The following SPEN variants were observed in gnomAD, a reference collection of about 807,000 sequenced individuals.
SPEN encodes spen family transcriptional repressor, also known as msx2-interacting protein.
Under a neutral mutation model 269.9 loss-of-function variants are expected in SPEN, and 18 were observed. The ratio of observed to expected loss-of-function variants is 0.07; its 90% CI spans 0.05 to 0.10. The LOEUF (loss-of-function observed/expected upper bound fraction) is 0.10, where lower values mean the gene tolerates loss of function less well. Among genes scored for constraint, SPEN ranks in the 10% least tolerant of loss-of-function variants. The pLI is 1.00. For synonymous variants in SPEN, 1,726 were observed against 1,765.7 expected (o/e 0.98, Z 0.56); for missense variants, 3,822 against 4,631.2 (o/e 0.83, Z 5.07).
At chr1:15,850,678 A>G (rs74492794) in intron 1 of SPEN, among the ~76,000 whole-genome samples, 9 of 152,136 alleles carry the variant, frequency 5.9e-5, no homozygotes, top group African/African-American at 1.9e-4. Flanking sequence ...TTTTATCCCT[A>G]TTGTGGGATA....
chr1:15,887,054 C>T (rs984908508), intron 3 of SPEN, among the ~76,000 whole-genome samples: 6 of 152,132 alleles, frequency 3.9e-5, no homozygotes, highest in African/African-American at 1.2e-4. Flanking sequence ...TGCACATTTG[C>T]AGCCTTGACT....
chr1:15,929,428 C>T lies in SPEN; in HGVS notation c.3188C>T (p.Pro1063Leu), dbSNP rs1482914874. 6.2e-7 allele frequency: 1 copy of T among 1,613,770 alleles called. No individual in the cohort carries two copies. The highest frequency in any genetic ancestry group is 8.5e-7 in the Non-Finnish European group (1 of 1,179,882). ...KLDRLNTVAS[P>L]KDCQELASIS... ...GACAGACTTAATACTGTTGCCAGCC[C>T]CAAAGACTGTCAGGAGCTTGCCAGT... is the stretch of plus-strand genomic sequence containing the variant. Residue 1063 changes from proline to leucine, a missense_variant, in exon 11 of 15, where the codon CCC (proline) becomes CTC (leucine). By Grantham distance (98) the Pro-to-Leu change is moderately conservative. Around this residue, in one of 16 missense-constraint regions of SPEN, gnomAD observed 572 missense variants for 582.6 expected, o/e 0.98. Coordinates refer to ENST00000375759, the MANE Select transcript of SPEN (RefSeq NM_015001.3). This position sits in a 1 kb window ranked among gnomAD's most constrained non-coding sequence, Gnocchi z 5.8.
At chr1:15,923,037 C>T (rs749363334) in intron 10 of SPEN, among the ~76,000 whole-genome samples, 1 of 152,038 alleles carries the variant, frequency 6.6e-6, no homozygotes, top group Non-Finnish European at 1.5e-5. Context: ...TTAGTAATGA[C>T]AACAACCAGG....
chr1:15,903,542 C>T (rs1349945716), intron 3 of SPEN, among the ~76,000 whole-genome samples: 1 of 152,178 alleles, frequency 6.6e-6, no homozygotes, highest in African/African-American at 2.4e-5. Flanking sequence ...CGCATGCCAC[C>T]ATGCCTAATT....
chr1:15,933,277 A>G lies in SPEN; in HGVS notation c.7037A>G (p.Lys2346Arg). ...TCACGCCGCAAGCGAAACACAAACA[A>G]GAAAGTGGTGGCTCCTGTAGAGAGC... is the stretch of plus-strand genomic sequence containing the variant. ...TRSRRKRNTN[K>R]KVVAPVESHV... is the part of the protein sequence containing the mutation. Residue 2346 changes from lysine (K) to arginine (R), a missense_variant, in exon 11 of 15, where the codon AAG (lysine) becomes AGG (arginine). Around this residue, in one of 16 missense-constraint regions of SPEN, gnomAD observed 727 missense variants for 737.9 expected, o/e 0.99. Coordinates refer to ENST00000375759, the MANE Select transcript of SPEN (RefSeq NM_015001.3). The surrounding 1 kb of genome is among the most constrained non-coding windows in gnomAD (Gnocchi z 5.7). 6.2e-7 allele frequency: 1 copy of G among 1,614,158 alleles called. No homozygotes were observed. Among genetic ancestry groups the G allele is most frequent in the East Asian group, 2.2e-5 (1 of 44,882 alleles).
At chr1:15,883,807 CTTTT>C (rs36018800) in intron 3 of SPEN, among the ~76,000 whole-genome samples, 1 of 69,542 alleles carries the variant, frequency 1.4e-5, no homozygotes. Flanking sequence ...ATTTAAGATT[CTTTT>C]TTTTTTTTTT....
intron 6 of SPEN, 150 bp from the exon 7 acceptor site, chr1:15,918,776 C>T: frequency 1.8e-6 from 1 of 561,388 alleles, no homozygotes; most frequent in Non-Finnish European, 3.0e-6. Context: ...TAGTAACTTA[C>T]CATTGTATTA....
chr1:15,935,578 G>C lies in SPEN; in HGVS notation c.9338G>C (p.Arg3113Pro), dbSNP rs765111467. 2 of 1,614,032 alleles carry C rather than the reference G, an allele frequency of 1.2e-6. No homozygotes were observed. Among genetic ancestry groups the C allele is most frequent in the Non-Finnish European group, 1.7e-6 (2 of 1,179,984 alleles). Reference protein sequence around the residue: ...PTLPSITYSIRPEALHSPRAP... With the variant: ...PTLPSITYSIPPEALHSPRAP... ...CTGCCCAGTATCACCTACAGCATCC[G>C]GCCAGAAGCGCTTCACTCTCCTCGG... The change falls in exon 11 of 15, where the codon CGG becomes CCG. Residue 3113 changes from arginine (R) to proline (P), a missense_variant. Transcript: ENST00000375759. This position sits in a 1 kb window ranked among gnomAD's most constrained non-coding sequence, Gnocchi z 7.7.
At chr1:15,887,993 A>C (rs1233876413) in intron 3 of SPEN, among the ~76,000 whole-genome samples, 2 of 151,768 alleles carry the variant, frequency 1.3e-5, no homozygotes, top group African/African-American at 2.4e-5. Context: ...GCACCACTGC[A>C]CTCCAGCTTG....
Position 15,934,417 on chromosome 1 carries a change from A to T in SPEN, c.8177A>T (p.Asn2726Ile). ...GTVNAAPGTV[N>I]AAASAVNATA... ...GTGAATGCCGCCCCAGGCACAGTCA[A>T]TGCCGCTGCGAGTGCAGTGAATGCC... Residue 2726 changes from asparagine to isoleucine, a missense_variant, in exon 11 of 15, where the codon AAT becomes ATT. Physicochemically the swap from Asn to Ile is moderately radical, Grantham distance 149. Coordinates refer to ENST00000375759, the MANE Select transcript of SPEN (RefSeq NM_015001.3). The surrounding 1 kb of genome is among the most constrained non-coding windows in gnomAD (Gnocchi z 9.2). 3 of 1,613,856 alleles carry T rather than the reference A, an allele frequency of 1.9e-6. No homozygotes were observed. Among genetic ancestry groups the T allele is most frequent in the Non-Finnish European group, 2.5e-6 (3 of 1,180,030 alleles).
At chr1:15,870,028 C>T (rs1030290416) in intron 1 of SPEN, among the ~76,000 whole-genome samples, 2 of 152,022 alleles carry the variant, frequency 1.3e-5, no homozygotes, top group African/African-American at 4.8e-5. Context: ...ACCACCATGC[C>T]TGGCTAATTT....
At chr1:15,925,616 A>T (rs1362231455) in intron 10 of SPEN, among the ~76,000 whole-genome samples, 6 of 145,624 alleles carry the variant, frequency 4.1e-5, no homozygotes, top group Non-Finnish European at 3.0e-5. Flanking sequence ...TTTTGTAGAG[A>T]TGGGGTCTTG....
intron 1 of SPEN, among the ~76,000 whole-genome samples, chr1:15,853,475 C>G (rs868717627): frequency 2.0e-5 from 3 of 151,262 alleles, no homozygotes; most frequent in Middle Eastern, 6.9e-3. Flanking sequence ...GTGTGAGCCA[C>G]TGTGCTGGCC....
rs761997392 is a variant in SPEN at position 15,931,801 on chromosome 1, G to A, written c.5561G>A (p.Arg1854Gln). The change falls in exon 11 of 15, where the codon CGG becomes CAG. Residue 1854 changes from arginine to glutamine, a missense_variant. Physicochemically the swap from Arg to Gln is conservative, Grantham distance 43. Around this residue, in one of 16 missense-constraint regions of SPEN, gnomAD observed 533 missense variants for 618.8 expected, o/e 0.86. Transcript: ENST00000375759. The surrounding 1 kb of genome is among the most constrained non-coding windows in gnomAD (Gnocchi z 4.8). The stretch of plus-strand genomic sequence containing the variant: ...AGGATAGACCGGGAAAAACTCAAGC[G>A]GTCCAATTCTCCTCGGGGAGAAGCA... ...SERIDREKLKRSNSPRGEAQK... is the reference protein window; with the variant it reads ...SERIDREKLKQSNSPRGEAQK... 2.8e-5 allele frequency: 46 copies of A among 1,614,070 alleles called. No individual in the cohort carries two copies. Among genetic ancestry groups the A allele is most frequent in the Non-Finnish European group, 3.3e-5 (39 of 1,180,052 alleles).
chr1:15,853,624 GC>G (rs1387652725), intron 1 of SPEN, among the ~76,000 whole-genome samples: 1 of 151,620 alleles, frequency 6.6e-6, no homozygotes, highest in Non-Finnish European at 1.5e-5. Context: ...CTCCTGAATA[GC>G]TGGGATTATA....
At chr1:15,873,777 A>G in intron 2 of SPEN, 1 of 1,017,734 alleles carries the variant, frequency 9.8e-7, no homozygotes, top group Non-Finnish European at 1.2e-6. Context: ...TGGAATGGGG[A>G]AAAATTAAAA....
chr1:15,860,056 C>T (rs1248378165), intron 1 of SPEN, among the ~76,000 whole-genome samples: 4 of 151,132 alleles, frequency 2.6e-5, no homozygotes, highest in African/African-American at 7.3e-5. Flanking sequence ...GGATTACAGG[C>T]GCCCGCCACC....
intron 1 of SPEN, among the ~76,000 whole-genome samples, chr1:15,859,353 C>CTTTTTTTTT (rs1272953375): frequency 9.5e-6 from 1 of 105,198 alleles, no homozygotes; most frequent in African/African-American, 3.9e-5. Context: ...TTTTCTTTTT[C>CTTTTTTTTT]TTTTCTTTTT....
intron 3 of SPEN, among the ~76,000 whole-genome samples, chr1:15,905,895 G>A (rs1030109296): frequency 2.6e-5 from 4 of 152,100 alleles, no homozygotes; most frequent in South Asian, 2.1e-4. Flanking sequence ...TTCAATAGCC[G>A]TAAATTTTGC....
Sources: gnomAD v4.1 joint callset for allele counts (sites outside exome capture counted in the v4.1 genomes callset) on GRCh38, gnomAD v4.1.1 for gene constraint, gnomAD v4.1.1 regional missense constraint, Gnocchi (gnomAD v3.1) non-coding constraint, MANE v1.5 for transcripts, NCBI Gene and HGNC (gene_info 2026-07-23, HGNC 2026-07-21) for gene names.